The following WNT10B variants were observed in gnomAD, a reference collection of about 807,000 sequenced individuals.
The protein encoded by WNT10B is Wnt family member 10B.
WNT10B carries 26 observed loss-of-function variants against 32.7 expected under a neutral mutation model. The observed-to-expected ratio is 0.79, with a 90% CI of 0.58 to 1.10. The LOEUF is 1.10. Among genes scored for constraint, WNT10B ranks in the 50% least tolerant of loss-of-function variants. The pLI is 0.00. For synonymous variants in WNT10B, 204 were observed against 220.4 expected (o/e 0.93, Z 0.66); for missense variants, 474 against 532.5 (o/e 0.89, Z 1.08).
chr12:48,968,355 T>A, intron 3 of WNT10B, 36 bp from the exon 4 acceptor site: 1 of 1,599,696 alleles, frequency 6.3e-7, no homozygotes, highest in Non-Finnish European at 8.5e-7. Context: ...GGAGGTAAGG[T>A]TGACAGGCAG....
rs763602591 is a variant in WNT10B at position 48,966,222 on chromosome 12, C to T, written c.1043G>A (p.Cys348Tyr). 1.2e-6 allele frequency: 2 copies of T among 1,613,930 alleles called. No homozygotes were observed. The highest frequency in any genetic ancestry group is 2.7e-5 in the African/African-American group (2 of 74,956). Reference protein sequence around the residue: ...SRLLDGCGSLCCGRGHNVLRQ... With the variant: ...SRLLDGCGSLYCGRGHNVLRQ... ...GAGCACGTTGTGCCCACGGCCACAG[C>T]ACAGGCTGCCACAGCCATCCAACAG... The change falls in exon 5 of 5, where the codon TGC (cysteine) becomes TAC (tyrosine). Residue 348 changes from cysteine to tyrosine, a missense_variant. Coordinates refer to ENST00000301061, the MANE Select transcript of WNT10B (RefSeq NM_003394.4).
chr12:48,971,406 T>A (rs1052253505), intron 1 of WNT10B, 49 bp downstream of exon 1: 2 of 152,386 alleles, frequency 1.3e-5, no homozygotes, highest in Non-Finnish European at 2.9e-5. Context: ...TGCCTGTCTC[T>A]TCCTCGTGTG....
intron 3 of WNT10B, 137 bp downstream of exon 3, chr12:48,969,952 G>C (rs1940815280): frequency 8.8e-7 from 1 of 1,131,834 alleles, no homozygotes; most frequent in South Asian, 2.0e-5. Flanking sequence ...GCTCAGAGCG[G>C]CTCCGGGGGG....
rs1940839448 is a variant in WNT10B at position 48,970,707 on chromosome 12, AGAAACACCCCTT to A, written c.-40-150_-40-139del. The stretch of plus-strand genomic sequence containing the variant: ...TCATTCCTCCTCAAACAAAACAAGA[AGAAACACCCCTT>A]GATTCCCAGAGTCCCTGAGGCTTGG... On this transcript the variant is annotated intron_variant, in intron 1 of 4. Transcript: ENST00000301061. The surrounding 1 kb of genome is among the most constrained non-coding windows in gnomAD (Gnocchi z 5.0). 1.5e-6 allele frequency: 1 copy of A among 653,860 alleles called. No individual in the cohort carries two copies. The highest frequency in any genetic ancestry group is 2.9e-5 in the Admixed American group (1 of 34,700). The allele number at this position is 653,860 out of a possible 1,614,324, so 40.5% of individuals were successfully genotyped here.
At chr12:48,967,691 A>G (rs571785155) in intron 4 of WNT10B, among the ~76,000 whole-genome samples, 8 of 152,156 alleles carry the variant, frequency 5.3e-5, no homozygotes, top group African/African-American at 1.4e-4. Flanking sequence ...GCCTCAAGCA[A>G]TCCTCCCCCC....
At chr12:48,971,315 C>A (rs1771379882) in intron 1 of WNT10B, 140 bp downstream of exon 1, 1 of 152,602 alleles carries the variant, frequency 6.6e-6, no homozygotes, top group Non-Finnish European at 1.5e-5. Flanking sequence ...GTCTTTATCT[C>A]TAGCAATATC....
chr12:48,967,228 C>T (rs1277374469), intron 4 of WNT10B, among the ~76,000 whole-genome samples: 2 of 150,006 alleles, frequency 1.3e-5, no homozygotes, highest in African/African-American at 4.9e-5. Context: ...TGCAGTGGCA[C>T]GATCTAGGCT....
chr12:48,966,872 T>C (rs576409453), intron 4 of WNT10B, among the ~76,000 whole-genome samples: 1 of 152,358 alleles, frequency 6.6e-6, no homozygotes, highest in Non-Finnish European at 1.5e-5. Context: ...ATTGGGAGTC[T>C]GGCCCACAGC....
chr12:48,971,301 CTG>C (rs1334924150), intron 1 of WNT10B, among the ~76,000 whole-genome samples, 152 bp downstream of exon 1: 3 of 152,204 alleles, frequency 2.0e-5, no homozygotes, highest in African/African-American at 7.2e-5. Context: ...CCTTTATTCT[CTG>C]TGTCTTTATC....
chr12:48,968,542 G>A (rs1451943955), intron 3 of WNT10B, among the ~76,000 whole-genome samples: 3 of 152,212 alleles, frequency 2.0e-5, no homozygotes, highest in Admixed American at 1.3e-4. Context: ...GGCAGGAGAC[G>A]ATGGGTCAAG....
rs769418661 is a variant in WNT10B at position 48,968,062 on chromosome 12, A to G, written c.595T>C (p.Cys199Arg). 6.2e-7 allele frequency: 1 copy of G among 1,614,270 alleles called. No homozygotes were observed. Among genetic ancestry groups the G allele is most frequent in the South Asian group, 1.1e-5 (1 of 91,092 alleles). Residue 199 changes from cysteine (C) to arginine (R), a missense_variant, in exon 4 of 5, where the codon TGT becomes CGT. By Grantham distance (180) the Cys-to-Arg change is radical. Transcript: ENST00000301061. ...TCTCCAAAGTCCATGTCATGGTTAC[A>G]GCCACCCCATTCCCATGTGTCCTGG... ...GPQDTWEWGG[C>R]NHDMDFGEKF...
At position 48,968,189 on chromosome 12, in the gene WNT10B, C is replaced by A. The variant is rs1468138298; in HGVS notation, c.468G>T (p.Arg156=). 1.2e-6 allele frequency: 2 copies of A among 1,613,846 alleles called. No homozygotes were observed. The highest frequency in any genetic ancestry group is 1.3e-5 in the African/African-American group (1 of 75,080). ...CGWKGSGEQD[R]LRAKLLQLQA... ...GCAGCTGCAGCAGTTTGGCCCTCAG[C>A]CGATCCTGCTCACCACTGCCCTTCC... The change falls in exon 4 of 5, where the codon CGG becomes CGT. Residue 156 remains arginine (R), a synonymous_variant. Coordinates refer to ENST00000301061, the MANE Select transcript of WNT10B (RefSeq NM_003394.4).
Position 48,965,952 on chromosome 12 carries a change from C to T in WNT10B, c.*143G>A. On this transcript the variant is annotated 3_prime_UTR_variant, in exon 5 of 5. Transcript: ENST00000301061. ...ACACATCCCAGAGTCCACCTGACCCCCACCACCCCTAAAGCTGTTTCCAGG... is the reference window on the plus strand; with the variant it reads ...ACACATCCCAGAGTCCACCTGACCCTCACCACCCCTAAAGCTGTTTCCAGG... 1 of 1,023,806 alleles carries T rather than the reference C, an allele frequency of 9.8e-7. No homozygotes were observed. The highest frequency in any genetic ancestry group is 1.5e-5 in the South Asian group (1 of 66,836). The allele number at this position is 1,023,806 out of a possible 1,614,324, so 63.4% of individuals were successfully genotyped here. A position where few individuals can be genotyped will look rare whatever the true frequency, so the allele number is the denominator to read the frequency against.
At chr12:48,968,788 G>T (rs867356846) in intron 3 of WNT10B, among the ~76,000 whole-genome samples, 16 of 143,224 alleles carry the variant, frequency 1.1e-4, no homozygotes, top group East Asian at 8.1e-4. Context: ...CTGTTTTTTT[G>T]TTTTTTTTTT....
intron 3 of WNT10B, 82 bp from the exon 4 acceptor site, chr12:48,968,401 C>T: frequency 6.4e-7 from 1 of 1,572,668 alleles, no homozygotes; most frequent in East Asian, 2.3e-5. Context: ...TAAACAGCCC[C>T]CCTCCAACTC....
In WNT10B at chr12:48,968,110, C is replaced by A; in HGVS notation, c.547G>T (p.Gly183Cys). The A allele has an allele frequency of 6.2e-7, 1 of 1,614,186 alleles. No homozygotes were observed. The highest frequency in any genetic ancestry group is 1.3e-5 in the African/African-American group (1 of 75,050). Residue 183 changes from glycine to cysteine, a missense_variant, in exon 4 of 5, where the codon GGC (glycine) becomes TGC (cysteine). Gly to Cys is a radical substitution (Grantham distance 159, BLOSUM62 -3). Coordinates refer to ENST00000301061, the MANE Select transcript of WNT10B (RefSeq NM_003394.4). ...TGGGGGCCAGGGCTGGGGCTTGAGC[C>A]AGGGCCAGGGCTGGGCAGAGAGTGG... ...FPHSLPSPGPGSSPSPGPQDT... is the reference protein window; with the variant it reads ...FPHSLPSPGPCSSPSPGPQDT...
At position 48,965,981 on chromosome 12, in the gene WNT10B, A is replaced by T; in HGVS notation, c.*114T>A. The T allele has an allele frequency of 7.7e-7, 1 of 1,304,254 alleles. No individual in the cohort carries two copies. Among genetic ancestry groups the T allele is most frequent in the Non-Finnish European group, 1.1e-6 (1 of 935,364 alleles). The allele number at this position is 1,304,254 out of a possible 1,614,324, so 80.8% of individuals were successfully genotyped here. On this transcript the variant is annotated 3_prime_UTR_variant, in exon 5 of 5. Coordinates refer to ENST00000301061, the MANE Select transcript of WNT10B (RefSeq NM_003394.4). Reference sequence around the variant, plus strand: ...CACCCCTAAAGCTGTTTCCAGGTAGATACTTTAAGCTTCCAGGGACCAAGA... The same window carrying T: ...CACCCCTAAAGCTGTTTCCAGGTAGTTACTTTAAGCTTCCAGGGACCAAGA...
At position 48,967,939 on chromosome 12, in the gene WNT10B, C is replaced by T. The variant is rs761273570; in HGVS notation, c.711+7G>A. 23 of 1,614,094 alleles carry T rather than the reference C, an allele frequency of 1.4e-5. No homozygotes were observed. The highest frequency in any genetic ancestry group is 1.6e-4 in the Middle Eastern group (1 of 6,076). On this transcript the variant is annotated splice_region_variant and intron_variant, in intron 4 of 4. Coordinates refer to ENST00000301061, the MANE Select transcript of WNT10B (RefSeq NM_003394.4). Reference sequence around the variant, plus strand: ...GGGGAGACCCAGGACAAGATGTACACACATACCTGGCGCCCCACCCTGTTG... The same window carrying T: ...GGGGAGACCCAGGACAAGATGTACATACATACCTGGCGCCCCACCCTGTTG...
chr12:48,970,068 G>C lies in WNT10B; in HGVS notation c.337+21C>G. The C allele has an allele frequency of 2.7e-6, 4 of 1,492,538 alleles. No individual in the cohort carries two copies. The highest frequency in any genetic ancestry group is 3.6e-6 in the Non-Finnish European group (4 of 1,123,162). 92.5% of individuals were successfully genotyped at this position (1,492,538 alleles called of 1,614,324 possible). The stretch of plus-strand genomic sequence containing the variant: ...ACCCCCTAGCCTCCGCGGCAGCGCC[G>C]ACCCGCCCAGCCAGGCTCACCGCGC... On this transcript the variant is annotated intron_variant, in intron 3 of 4. Transcript: ENST00000301061. This position sits in a 1 kb window ranked among gnomAD's most constrained non-coding sequence, Gnocchi z 5.0.
Sources: allele counts gnomAD v4.1 joint callset (sites outside exome capture counted in the v4.1 genomes callset), GRCh38; gene constraint gnomAD v4.1.1; non-coding constraint Gnocchi (gnomAD v3.1); transcripts MANE v1.5; gene names NCBI Gene and HGNC (gene_info 2026-07-23, HGNC 2026-07-21).